The following ITPRID1 variants were observed in gnomAD, a reference collection of about 807,000 sequenced individuals.
ITPRID1 encodes ITPR interacting domain containing 1, also known as protein ITPRID1.
ITPRID1 carries 96 observed loss-of-function variants against 95.4 expected under a neutral mutation model. That is an observed-to-expected ratio of 1.01 (90% CI 0.85 to 1.19). The LOEUF (loss-of-function observed/expected upper bound fraction) is 1.19. Ranked by LOEUF, ITPRID1 falls within the 50% of genes most tolerant of loss-of-function variation. ITPRID1 has a pLI of 0.00. For missense variants in ITPRID1, 1,339 were observed against 1,252.9 expected (o/e 1.07, Z -1.04); for synonymous variants, 510 against 453.6 (o/e 1.12, Z -1.58).
At chr7:31,586,862 A>C (rs1462910817) in intron 10 of ITPRID1, among the ~76,000 whole-genome samples, 3 of 151,588 alleles carry the variant, frequency 2.0e-5, no homozygotes, top group Admixed American at 2.0e-4. Flanking sequence ...CCATTTGTCA[A>C]TTTTGTCTTT....
intron 1 of ITPRID1, chr7:31,517,900 T>G (rs217154): frequency 0.87 from 132,022 of 152,362 alleles, 57,667 homozygotes; most frequent in African/African-American, 0.97. Flanking sequence ...TCTCCACTGT[T>G]CTGAGTTATG....
chr7:31,624,555 A>C (rs1788255398), intron 10 of ITPRID1, among the ~76,000 whole-genome samples: 1 of 134,658 alleles, frequency 7.4e-6, no homozygotes, highest in Admixed American at 7.9e-5. Context: ...GTGCTGGGAA[A>C]ACTGGCTAGC....
At chr7:31,575,890 T>G (rs1168004475) in intron 8 of ITPRID1, among the ~76,000 whole-genome samples, 2 of 151,800 alleles carry the variant, frequency 1.3e-5, no homozygotes, top group African/African-American at 4.8e-5. Flanking sequence ...ATGATATTTT[T>G]TTTTTAAAAA....
chr7:31,639,689 A>G (rs1425703049), intron 10 of ITPRID1, among the ~76,000 whole-genome samples: 1 of 151,610 alleles, frequency 6.6e-6, no homozygotes, highest in African/African-American at 2.4e-5. Flanking sequence ...GGTGCCTGCC[A>G]CCATGCCCGG....
chr7:31,542,175 G>C (rs968146512), intron 1 of ITPRID1, among the ~76,000 whole-genome samples: 10 of 152,154 alleles, frequency 6.6e-5, no homozygotes, highest in African/African-American at 2.4e-4. Context: ...TTGCTGGTGA[G>C]CTTGCGATTT....
chr7:31,624,243 A>C (rs1184751137), intron 10 of ITPRID1, among the ~76,000 whole-genome samples: 11 of 145,904 alleles, frequency 7.5e-5, no homozygotes, highest in South Asian at 2.3e-4. Context: ...GCTACCAATG[A>C]CTTTCTTCAC....
intron 10 of ITPRID1, among the ~76,000 whole-genome samples, chr7:31,625,587 A>C (rs1456127286): frequency 6.6e-6 from 1 of 152,098 alleles, no homozygotes; most frequent in East Asian, 1.9e-4. Flanking sequence ...ACACATGGAC[A>C]CAGGAGAGGG....
intron 10 of ITPRID1, among the ~76,000 whole-genome samples, chr7:31,633,271 T>C (rs1789181470): frequency 6.6e-6 from 1 of 152,184 alleles, no homozygotes; most frequent in East Asian, 1.9e-4. Context: ...CATTCTGCAC[T>C]ACTCCAAGGA....
intron 10 of ITPRID1, among the ~76,000 whole-genome samples, chr7:31,584,524 C>A (rs1169435653): frequency 2.6e-5 from 4 of 151,204 alleles, no homozygotes; most frequent in Non-Finnish European, 5.9e-5. Flanking sequence ...ATGTAAGTCG[C>A]CCCAATCATT....
At chr7:31,611,796 CTTTTGAG>C (rs1786880544) in intron 10 of ITPRID1, among the ~76,000 whole-genome samples, 1 of 151,806 alleles carries the variant, frequency 6.6e-6, no homozygotes, top group Admixed American at 6.6e-5. Context: ...GATACTTTGT[CTTTTGAG>C]TTTTATTATC....
intron 10 of ITPRID1, among the ~76,000 whole-genome samples, chr7:31,641,762 T>C (rs916936571): frequency 2.6e-5 from 4 of 152,158 alleles, no homozygotes; most frequent in African/African-American, 9.7e-5. Flanking sequence ...ATCCAAACTT[T>C]AGTAAAAAGA....
intron 10 of ITPRID1, among the ~76,000 whole-genome samples, chr7:31,607,445 C>G (rs1216430628): frequency 6.6e-6 from 1 of 152,126 alleles, no homozygotes; most frequent in Non-Finnish European, 1.5e-5. Context: ...TATGTTGGCT[C>G]AGCATCAATT....
chr7:31,530,474 G>T (rs540945816), intron 1 of ITPRID1, among the ~76,000 whole-genome samples: 1 of 152,126 alleles, frequency 6.6e-6, no homozygotes, highest in Non-Finnish European at 1.5e-5. Context: ...AGCGTATCTG[G>T]GGGGTATAAG....
Position 31,572,010 on chromosome 7 carries a change from A to G in ITPRID1, c.309-92A>G, listed in dbSNP as rs1305668226. ...TTATTAGAGACTAAGAGGAAATGCA[A>G]ATGTTTGCTCTGGAAGGAAAAGATT... On this transcript the variant is annotated intron_variant, in intron 6 of 14. Coordinates refer to ENST00000615280, the MANE Select transcript of ITPRID1 (RefSeq NM_001257967.3). 5 of 797,642 alleles carry G rather than the reference A, an allele frequency of 6.3e-6. No individual in the cohort carries two copies. In the African/African-American group the frequency reaches 6.9e-5, roughly 11 times the overall value. The allele number at this position is 797,642 out of a possible 1,614,324, so 49.4% of individuals were successfully genotyped here. A position where few individuals can be genotyped will look rare whatever the true frequency, so the allele number is the denominator to read the frequency against.
intron 10 of ITPRID1, among the ~76,000 whole-genome samples, chr7:31,624,186 G>C (rs1473089470): frequency 1.3e-5 from 2 of 149,124 alleles, no homozygotes; most frequent in Middle Eastern, 3.4e-3. Context: ...CGTGAAAATG[G>C]CCATACTGCC....
intron 1 of ITPRID1, among the ~76,000 whole-genome samples, chr7:31,518,982 G>A (rs962258822): frequency 2.6e-5 from 4 of 152,198 alleles, no homozygotes; most frequent in Admixed American, 6.5e-5. Context: ...CTAATTCATT[G>A]TAACAGGCAA....
Position 31,643,230 on chromosome 7 carries a change from G to A in ITPRID1, c.1860G>A (p.Glu620=), listed in dbSNP as rs201778549. 2 of 1,613,748 alleles carry A rather than the reference G, an allele frequency of 1.2e-6. No homozygotes were observed. The highest frequency in any genetic ancestry group is 8.5e-7 in the Non-Finnish European group (1 of 1,179,876). ...TTGACTCTGAGGCCCCACGAGAAGA[G>A]GAAAGCAGTGGATTCTGTCCTCACA... The part of the protein sequence containing the change: ...LHVDSEAPRE[E]ESSGFCPHTN... Residue 620 remains glutamate (E), a synonymous_variant, in exon 12 of 15, where the codon GAG becomes GAA. Transcript: ENST00000615280.
At chr7:31,613,845 C>A (rs564370088) in intron 10 of ITPRID1, among the ~76,000 whole-genome samples, 1 of 152,304 alleles carries the variant, frequency 6.6e-6, no homozygotes, top group South Asian at 2.1e-4. Flanking sequence ...GACATTGTTA[C>A]ATTTGTGTTA....
At chr7:31,580,257 C>G (rs1052959825) in intron 9 of ITPRID1, among the ~76,000 whole-genome samples, 2 of 143,916 alleles carry the variant, frequency 1.4e-5, no homozygotes, top group African/African-American at 2.6e-5. Flanking sequence ...GAGATCGCAC[C>G]ACTGCTCTCC....
Sources: gnomAD v4.1 joint callset for allele counts (sites outside exome capture counted in the v4.1 genomes callset) on GRCh38, gnomAD v4.1.1 for gene constraint, MANE v1.5 for transcripts, NCBI Gene and HGNC (gene_info 2026-07-23, HGNC 2026-07-21) for gene names.